The following NLK variants were observed in gnomAD, a reference collection of about 807,000 sequenced individuals.
NLK encodes serine/threonine-protein kinase NLK.
A neutral mutation model predicts 59.0 loss-of-function variants in NLK; 11 were observed. The ratio of observed to expected loss-of-function variants is 0.19; its 90% CI spans 0.12 to 0.31. The LOEUF is 0.31. NLK is among the 10% of genes least tolerant of loss of function. The probability of loss-of-function intolerance (pLI) is 1.00; values close to 1 mark genes in which losing one functional copy is unlikely to be tolerated. For missense variants in NLK, 410 were observed against 661.1 expected (o/e 0.62, Z 4.16); for synonymous variants, 235 against 235.9 (o/e 1.00, Z 0.03).
At chr17:28,140,157 G>A (rs1023344126) in intron 3 of NLK, among the ~76,000 whole-genome samples, 1 of 152,096 alleles carries the variant, frequency 6.6e-6, no homozygotes, top group African/African-American at 2.4e-5. Flanking sequence ...CAGAAATAAT[G>A]AGAAATTAAG....
At chr17:28,086,663 AT>A (rs1243882543) in intron 1 of NLK, among the ~76,000 whole-genome samples, 5 of 151,380 alleles carry the variant, frequency 3.3e-5, no homozygotes, top group African/African-American at 7.3e-5. Flanking sequence ...ATGAGGTTGC[AT>A]TTCCTTCACT....
chr17:28,125,622 GATCTCTGCT>G (rs1906260081), intron 2 of NLK, among the ~76,000 whole-genome samples: 1 of 152,098 alleles, frequency 6.6e-6, no homozygotes, highest in Non-Finnish European at 1.5e-5. Context: ...ATATATAATA[GATCTCTGCT>G]ATCTCTGAGA....
intron 3 of NLK, among the ~76,000 whole-genome samples, chr17:28,146,247 T>G (rs1305812700): frequency 6.6e-6 from 1 of 152,156 alleles, no homozygotes; most frequent in Non-Finnish European, 1.5e-5. Context: ...TCAATGATAA[T>G]GGAGATGATA....
At chr17:28,181,767 T>G (rs1908916139) in intron 7 of NLK, among the ~76,000 whole-genome samples, 1 of 151,920 alleles carries the variant, frequency 6.6e-6, no homozygotes, top group East Asian at 1.9e-4. Context: ...TCCCAGCACT[T>G]TGGGAGGCCG....
chr17:28,123,695 A>AGGCTACCTT (rs1204842605), intron 2 of NLK, among the ~76,000 whole-genome samples: 7 of 152,164 alleles, frequency 4.6e-5, no homozygotes, highest in Non-Finnish European at 1.0e-4. Context: ...AAGGTAACAT[A>AGGCTACCTT]GGCTACCTTA....
At chr17:28,057,720 C>A (rs1227911050) in intron 1 of NLK, among the ~76,000 whole-genome samples, 1 of 152,084 alleles carries the variant, frequency 6.6e-6, no homozygotes, top group Non-Finnish European at 1.5e-5. Flanking sequence ...TACCCTAATG[C>A]AGTCATATGA....
intron 3 of NLK, among the ~76,000 whole-genome samples, chr17:28,153,488 C>T (rs902219430): frequency 6.6e-6 from 1 of 152,112 alleles, no homozygotes; most frequent in African/African-American, 2.4e-5. Context: ...AAAGAACTAA[C>T]AAACTCCATT....
At chr17:28,099,611 G>A (rs1490433522) in intron 1 of NLK, among the ~76,000 whole-genome samples, 4 of 128,648 alleles carry the variant, frequency 3.1e-5, no homozygotes, top group African/African-American at 9.3e-5. Context: ...TTGCTCTGTC[G>A]CCCAGGCCGG....
chr17:28,073,151 G>T (rs1215475401), intron 1 of NLK, among the ~76,000 whole-genome samples: 1 of 152,040 alleles, frequency 6.6e-6, no homozygotes. Flanking sequence ...GACTTACTAA[G>T]AATTCACAGT....
chr17:28,054,428 G>A lies in NLK; in HGVS notation c.458+11097G>A, dbSNP rs1909366028. Among the ~76,000 whole-genome samples the A allele has an allele frequency of 3.9e-5, 6 of 152,310 alleles. No homozygotes were observed. The South Asian group carries it at 1.0e-3, about 26-fold the overall frequency. The stretch of plus-strand genomic sequence containing the variant: ...AATAAAATTGAAATTTTTGAAAGGT[G>A]CAACAGTTGGTTATAGGGATTCTTT... On this transcript the variant is annotated intron_variant, in intron 1 of 10. Coordinates refer to ENST00000407008, the MANE Select transcript of NLK (RefSeq NM_016231.5).
At position 28,155,540 on chromosome 17, in the gene NLK, T is replaced by C. The variant is rs145846546; in HGVS notation, c.645-5620T>C. Among the ~76,000 whole-genome samples the C allele has an allele frequency of 2.5e-4, 38 of 152,288 alleles. No individual in the cohort carries two copies. The East Asian group carries it at 6.8e-3, about 27-fold the overall frequency. On this transcript the variant is annotated intron_variant, in intron 3 of 10. Coordinates refer to ENST00000407008, the MANE Select transcript of NLK (RefSeq NM_016231.5). ...AGACTTGGAACCAACCCAATGTCCA[T>C]CAGTGATAGACTGGATTAAGAAAAT...
chr17:28,186,980 T>A (rs1597728188), intron 8 of NLK, among the ~76,000 whole-genome samples: 1 of 152,226 alleles, frequency 6.6e-6, no homozygotes, highest in Non-Finnish European at 1.5e-5. Context: ...TATCATTTGA[T>A]ATTTTGTGTT....
In NLK at chr17:28,115,230, T is replaced by C. The variant is rs1346973283; in HGVS notation, c.459-7373T>C. 5.3e-5 allele frequency among the ~76,000 whole-genome samples: 8 copies of C among 152,200 alleles called. No homozygotes were observed. The East Asian group carries it at 1.5e-3, about 29-fold the overall frequency. The stretch of plus-strand genomic sequence containing the variant: ...GAAGCCCATAGGAGGTGCAAGTCCC[T>C]TCTTCCTCCACCACCACCCTTGCAG... On this transcript the variant is annotated intron_variant, in intron 1 of 10. Transcript: ENST00000407008.
chr17:28,058,254 C>T (rs1338498460), intron 1 of NLK, among the ~76,000 whole-genome samples: 1 of 152,164 alleles, frequency 6.6e-6, no homozygotes, highest in Admixed American at 6.5e-5. Flanking sequence ...TAAAGTACCT[C>T]AGCAGGAAAG....
At chr17:28,157,083 C>G (rs1907781988) in intron 3 of NLK, among the ~76,000 whole-genome samples, 1 of 152,088 alleles carries the variant, frequency 6.6e-6, no homozygotes, top group African/African-American at 2.4e-5. Context: ...GTGGCAAGAT[C>G]AGGGCTCACT....
chr17:28,086,720 G>A (rs993788672), intron 1 of NLK, among the ~76,000 whole-genome samples: 1 of 151,758 alleles, frequency 6.6e-6, no homozygotes, highest in Non-Finnish European at 1.5e-5. Context: ...ACTCTGTGAT[G>A]AGTCACATCT....
chr17:28,166,498 T>A (rs1456966923), intron 5 of NLK, among the ~76,000 whole-genome samples: 2 of 152,204 alleles, frequency 1.3e-5, no homozygotes, highest in African/African-American at 4.8e-5. Flanking sequence ...CTGCCGGAAC[T>A]CTTTTTCAAA....
chr17:28,120,274 A>ATG (rs1411260570), intron 1 of NLK, among the ~76,000 whole-genome samples: 3 of 102,484 alleles, frequency 2.9e-5, no homozygotes, highest in Non-Finnish European at 6.2e-5. Flanking sequence ...GTGTGTGTGT[A>ATG]TGTGTGTGTG....
chr17:28,102,793 T>C (rs1411456780), intron 1 of NLK, among the ~76,000 whole-genome samples: 1 of 152,252 alleles, frequency 6.6e-6, no homozygotes, highest in Non-Finnish European at 1.5e-5. Flanking sequence ...TCATTTATTA[T>C]AGAGTCTGGC....
Sources: allele counts gnomAD v4.1 joint callset (sites outside exome capture counted in the v4.1 genomes callset), GRCh38; gene constraint gnomAD v4.1.1; transcripts MANE v1.5; gene names NCBI Gene and HGNC (gene_info 2026-07-23, HGNC 2026-07-21).